MMS19: variants seen among roughly 807,000 people sequenced by gnomAD.
The protein encoded by MMS19 is MMS19 nucleotide excision repair protein homolog.
In MMS19, 77 loss-of-function variants were observed where a neutral mutation model predicts 129.8. That is an observed-to-expected ratio of 0.59 (90% CI 0.49 to 0.72). The LOEUF (loss-of-function observed/expected upper bound fraction) is 0.72. Ranked by LOEUF, MMS19 falls within the 30% of genes least tolerant of loss-of-function variation. The probability of loss-of-function intolerance (pLI) is 0.00; values close to 1 mark genes in which losing one functional copy is unlikely to be tolerated. For synonymous variants in MMS19, 491 were observed against 502.8 expected (o/e 0.98, Z 0.31); for missense variants, 1,168 against 1,266.3 (o/e 0.92, Z 1.18).
chr10:97,467,183 T>C (rs1406504237), intron 14 of MMS19, among the ~76,000 whole-genome samples: 1 of 152,188 alleles, frequency 6.6e-6, no homozygotes, highest in East Asian at 1.9e-4. Context: ...TTCACCATAT[T>C]GGCCAGGCTG....
At chr10:97,486,209 G>C (rs2037819722) in intron 1 of MMS19, among the ~76,000 whole-genome samples, 1 of 152,020 alleles carries the variant, frequency 6.6e-6, no homozygotes, top group Admixed American at 6.5e-5. Flanking sequence ...TCTGAGACAG[G>C]GTCTCTCTGT....
intron 1 of MMS19, 133 bp from the exon 2 acceptor site, chr10:97,484,284 C>T (rs2037414397): frequency 2.1e-5 from 11 of 535,360 alleles, no homozygotes; most frequent in Non-Finnish European, 3.6e-5. Flanking sequence ...GCCAAGAGCC[C>T]TCCTAGATGA....
chr10:97,466,990 ATT>A, intron 14 of MMS19, 89 bp from the exon 15 acceptor site: 6 of 1,393,150 alleles, frequency 4.3e-6, no homozygotes, highest in Non-Finnish European at 3.9e-6. Flanking sequence ...CCTGGGGTAG[ATT>A]TTTTTTTTGA....
chr10:97,482,045 A>G (rs2036903053), intron 2 of MMS19, among the ~76,000 whole-genome samples: 1 of 152,144 alleles, frequency 6.6e-6, no homozygotes, highest in Non-Finnish European at 1.5e-5. Flanking sequence ...GCATGGTGGC[A>G]CAAGCCTGTA....
chr10:97,463,023 G>T, intron 19 of MMS19: 1 of 259,472 alleles, frequency 3.9e-6, no homozygotes, highest in South Asian at 6.2e-5. Context: ...TAGTAATGTT[G>T]GTCTCTGAAA....
intron 29 of MMS19, 36 bp from the exon 30 acceptor site, chr10:97,458,936 CCAAGG>C (rs762173366): frequency 6.3e-7 from 1 of 1,598,238 alleles, no homozygotes; most frequent in East Asian, 2.2e-5. Flanking sequence ...CCTTGCTCAT[CCAAGG>C]CAACTGAAAG....
chr10:97,485,636 T>C (rs566650091), intron 1 of MMS19, among the ~76,000 whole-genome samples: 2 of 151,744 alleles, frequency 1.3e-5, no homozygotes, highest in African/African-American at 4.8e-5. Context: ...TTAGTAGAGA[T>C]AGGGCTTTAC....
At chr10:97,485,424 T>C (rs1049737532) in intron 1 of MMS19, among the ~76,000 whole-genome samples, 24 of 152,226 alleles carry the variant, frequency 1.6e-4, no homozygotes, top group African/African-American at 5.8e-4. Flanking sequence ...GCAATTCTTC[T>C]GCCTCAGTCT....
chr10:97,486,894 T>TAA (rs2037993657), intron 1 of MMS19, among the ~76,000 whole-genome samples: 1 of 135,588 alleles, frequency 7.4e-6, no homozygotes, highest in Non-Finnish European at 1.6e-5. Context: ...TATATATATA[T>TAA]AAAATTAAGA....
At position 97,468,368 on chromosome 10, in the gene MMS19, C is replaced by A; in HGVS notation, c.1102G>T (p.Val368Leu). 1 of 1,612,196 alleles carries A rather than the reference C, an allele frequency of 6.2e-7. No individual in the cohort carries two copies. Among genetic ancestry groups the A allele is most frequent in the Non-Finnish European group, 8.5e-7 (1 of 1,178,828 alleles). The change falls in exon 13 of 31, where the codon GTG (valine) becomes TTG (leucine). Residue 368 changes from valine (V) to leucine (L), a missense_variant. Transcript: ENST00000438925. Reference protein sequence around the residue: ...HHLCEPDMKLVWPSAKLLQAA... With the variant: ...HHLCEPDMKLLWPSAKLLQAA... ...TGCAACAGCTTGGCACTAGGCCACA[C>A]CAGTTTCATGTCCGGTTCACACAGG...
In MMS19 at chr10:97,460,041, C is replaced by T; in HGVS notation, c.2656+5G>A. On this transcript the variant is annotated splice_donor_5th_base_variant and intron_variant, in intron 26 of 30. Transcript: ENST00000438925. ...TATGTGGGGACCTTCTTTCAGACTC[C>T]TCACCTTGGGGAGCAGCATGGAAGC... 6.2e-7 allele frequency: 1 copy of T among 1,612,570 alleles called. No individual in the cohort carries two copies. Among genetic ancestry groups the T allele is most frequent in the Non-Finnish European group, 8.5e-7 (1 of 1,178,828 alleles).
At chr10:97,492,010 T>C (rs961466158) in intron 1 of MMS19, among the ~76,000 whole-genome samples, 1 of 151,420 alleles carries the variant, frequency 6.6e-6, no homozygotes, top group Non-Finnish European at 1.5e-5. Flanking sequence ...TGGTAGCGCA[T>C]GCCTGTAATC....
chr10:97,461,139 C>A, intron 23 of MMS19, 132 bp from the exon 24 acceptor site: 3 of 751,472 alleles, frequency 4.0e-6, no homozygotes, highest in Non-Finnish European at 6.4e-6. Context: ...TGCCTGTGGA[C>A]AAAATGATTG....
rs2032186168 is a variant in MMS19, at chr10:97,462,241, G to C, written c.2013-122C>G. On this transcript the variant is annotated intron_variant, in intron 20 of 30. Coordinates refer to ENST00000438925, the MANE Select transcript of MMS19 (RefSeq NM_022362.5). ...TCACCACGTCAATGGGACATGCCCT[G>C]ATCATTCATGCATTGAACAAATATT... 1.0e-5 allele frequency: 7 copies of C among 684,360 alleles called. No homozygotes were observed. In the South Asian group the frequency reaches 1.2e-4, roughly 12 times the overall value. The allele number at this position is 684,360 out of a possible 1,614,324, so 42.4% of individuals were successfully genotyped here.
chr10:97,466,094 T>C lies in MMS19; in HGVS notation c.1571A>G (p.His524Arg). ...CTCCTCAGCGAGCTTGGGTACGAGGTGGCTGCTGAAGGCCACAGGGTAGAG... is the reference window on the plus strand; with the variant it reads ...CTCCTCAGCGAGCTTGGGTACGAGGCGGCTGCTGAAGGCCACAGGGTAGAG... ...AALYPVAFSS[H>R]LVPKLAEELR... The change falls in exon 17 of 31, where the codon CAC becomes CGC. Residue 524 changes from histidine to arginine, a missense_variant. Physicochemically the swap from His to Arg is conservative, Grantham distance 29. Around this residue, in one of 3 missense-constraint regions of MMS19, gnomAD observed 831 missense variants for 910.8 expected, o/e 0.91. Coordinates refer to ENST00000438925, the MANE Select transcript of MMS19 (RefSeq NM_022362.5). 1 of 1,609,772 alleles carries C rather than the reference T, an allele frequency of 6.2e-7. No homozygotes were observed. The highest frequency in any genetic ancestry group is 8.5e-7 in the Non-Finnish European group (1 of 1,177,802).
rs761800520 is a variant in MMS19 at position 97,468,260 on chromosome 10, GC to G, written c.1209del (p.Lys403AsnfsTer19). 1 of 1,579,828 alleles carries G rather than the reference GC, an allele frequency of 6.3e-7. No homozygotes were observed. Among genetic ancestry groups the G allele is most frequent in the South Asian group, 1.1e-5 (1 of 87,802 alleles). ...VLPLLLEQFH[K>X]HSQSSQRRTI... ...AGATTCTGCTCCCTTACCTGACTGTGCTTGTGGAACTGTTCCAGCAGTAAAG... is the reference window on the plus strand; with the variant it reads ...AGATTCTGCTCCCTTACCTGACTGTGTTGTGGAACTGTTCCAGCAGTAAAG... On this transcript the variant is annotated frameshift_variant, in exon 13 of 31. Transcript: ENST00000438925. LOFTEE classifies it high-confidence loss of function.
chr10:97,460,791 T>C (rs372070885), intron 24 of MMS19, 40 bp from the exon 25 acceptor site: 54 of 1,568,826 alleles, frequency 3.4e-5, no homozygotes, highest in Non-Finnish European at 4.6e-5. Flanking sequence ...GGAATGACAC[T>C]CAAACCCGAG....
chr10:97,486,862 C>CATGTATATATATATATATATATAT (rs2037941238), intron 1 of MMS19, among the ~76,000 whole-genome samples: 2 of 85,080 alleles, frequency 2.4e-5, no homozygotes, highest in Non-Finnish European at 5.2e-5. Flanking sequence ...ATTAAAGTGC[C>CATGTATATATATATATATATATAT]ATATATATAT....
In MMS19 at chr10:97,462,627, G is replaced by A. The variant is rs145691255; in HGVS notation, c.1968C>T (p.Ala656=). 1,026 of 1,613,796 alleles carry A rather than the reference G, an allele frequency of 6.4e-4. No homozygotes were observed. Among genetic ancestry groups the A allele is most frequent in the Non-Finnish European group, 8.1e-4 (959 of 1,179,872 alleles). The change falls in exon 20 of 31, where the codon GCC becomes GCT. Residue 656 remains alanine, a synonymous_variant. Coordinates refer to ENST00000438925, the MANE Select transcript of MMS19 (RefSeq NM_022362.5). ...KVLLEDEVLA[A]MVSVIGTATT... ...TAGCAGTGCCAATGACAGACACCAT[G>A]GCAGCCAACACCTCATCCTCCAATA...
Sources: gnomAD v4.1 joint callset for allele counts (sites outside exome capture counted in the v4.1 genomes callset) on GRCh38, gnomAD v4.1.1 for gene constraint, gnomAD v4.1.1 regional missense constraint, MANE v1.5 for transcripts, NCBI Gene and HGNC (gene_info 2026-07-23, HGNC 2026-07-21) for gene names.